The following HDAC9 variants were observed in gnomAD, a reference collection of about 807,000 sequenced individuals.
The protein encoded by HDAC9 is MEF-2 interacting transcription repressor (MITR) protein.
Under a neutral mutation model 139.4 loss-of-function variants are expected in HDAC9, and 41 were observed. The observed-to-expected ratio is 0.29, with a 90% CI of 0.23 to 0.38. The LOEUF (loss-of-function observed/expected upper bound fraction) is 0.38. HDAC9 is among the 10% of genes least tolerant of loss of function. HDAC9 has a pLI of 1.00. For synonymous variants in HDAC9, 517 were observed against 476.2 expected, an observed-to-expected ratio of 1.09 and a Z score of -1.12; for missense variants, 1,147 against 1,297.0, an observed-to-expected ratio of 0.88 and a Z score of 1.78.
chr7:18,177,417 T>C (rs1789007034), intron 2 of HDAC9, among the ~76,000 whole-genome samples: 1 of 152,156 alleles, frequency 6.6e-6, no homozygotes, highest in Admixed American at 6.5e-5. Flanking sequence ...CTATTTAAGG[T>C]ATATAAGAAC....
rs1795440731 is a variant in HDAC9, at chr7:18,668,595, ATTGT to A, written c.1731+2123_1731+2126del. 3.1e-6 allele frequency: 3 copies of A among 982,044 alleles called. No homozygotes were observed. The East Asian group carries it at 3.4e-4, about 112-fold the overall frequency. 60.8% of individuals were successfully genotyped at this position (982,044 alleles called of 1,614,324 possible). On this transcript the variant is annotated intron_variant, in intron 12 of 25. Coordinates refer to ENST00000686413, the MANE Select transcript of HDAC9 (RefSeq NM_178425.4). ...TCATCAGTACAGTTGGTGGACGTTA[ATTGT>A]TTGAATTTGATAGTCTTTGAATTTA...
intron 2 of HDAC9, among the ~76,000 whole-genome samples, chr7:18,531,026 CCTCT>C (rs951851384): frequency 2.0e-5 from 3 of 151,938 alleles, no homozygotes; most frequent in Non-Finnish European, 4.4e-5. Flanking sequence ...TCTAGTGCAA[CCTCT>C]CTGTCTTTAA....
At chr7:18,750,809 A>G (rs1788377463) in intron 14 of HDAC9, among the ~76,000 whole-genome samples, 1 of 152,192 alleles carries the variant, frequency 6.6e-6, no homozygotes, top group Admixed American at 6.5e-5. Flanking sequence ...TCATGTGAAC[A>G]TTCCTGTCTC....
chr7:18,382,708 G>T (rs529711383), intron 1 of HDAC9, among the ~76,000 whole-genome samples: 1 of 152,272 alleles, frequency 6.6e-6, no homozygotes, highest in African/African-American at 2.4e-5. Flanking sequence ...TATTAGAAAT[G>T]ACATGAAGGA....
At chr7:18,572,033 T>C (rs762738072) in intron 2 of HDAC9, among the ~76,000 whole-genome samples, 8 of 151,868 alleles carry the variant, frequency 5.3e-5, no homozygotes, top group Non-Finnish European at 7.4e-5. Context: ...GAATTCCTGA[T>C]AGAAGAGTGG....
chr7:18,107,812 G>A (rs2244710), intron 1 of HDAC9, among the ~76,000 whole-genome samples: 121,121 of 152,176 alleles, frequency 0.8, 49,089 homozygotes, highest in Non-Finnish European at 0.87. Context: ...TGCAGTGGTA[G>A]ATAGTGGCTG....
intron 2 of HDAC9, among the ~76,000 whole-genome samples, chr7:18,526,867 T>C (rs532719756): frequency 5.9e-5 from 9 of 152,096 alleles, no homozygotes; most frequent in Non-Finnish European, 1.2e-4. Context: ...AAGGGGGTCT[T>C]AGGTTGAGCT....
intron 23 of HDAC9, among the ~76,000 whole-genome samples, chr7:18,949,979 A>G (rs1043200382): frequency 1.3e-5 from 2 of 152,090 alleles, no homozygotes; most frequent in South Asian, 2.1e-4. Flanking sequence ...CTATCTGAAA[A>G]TATGACCCTA....
intron 12 of HDAC9, among the ~76,000 whole-genome samples, chr7:18,690,578 A>G (rs1256947332): frequency 1.3e-5 from 2 of 151,968 alleles, no homozygotes; most frequent in Admixed American, 6.6e-5. Context: ...TGCTGTTCTG[A>G]AAATGAGAAG....
intron 1 of HDAC9, among the ~76,000 whole-genome samples, chr7:18,328,039 A>G (rs1800605757): frequency 6.6e-6 from 1 of 151,978 alleles, no homozygotes; most frequent in Non-Finnish European, 1.5e-5. Context: ...AAAACATCAG[A>G]GTGGAAATGA....
At chr7:18,453,042 G>A (rs1424859747) in intron 1 of HDAC9, among the ~76,000 whole-genome samples, 1 of 151,922 alleles carries the variant, frequency 6.6e-6, no homozygotes, top group Admixed American at 6.6e-5. Flanking sequence ...TCTTATTCCT[G>A]TGATGCTTTT....
chr7:18,498,765 A>G (rs111255016), intron 2 of HDAC9, among the ~76,000 whole-genome samples: 178 of 152,140 alleles, frequency 1.2e-3, no homozygotes, highest in Non-Finnish European at 2.2e-3. Context: ...AAGAATAATG[A>G]TGTCCTCCTG....
intron 2 of HDAC9, among the ~76,000 whole-genome samples, chr7:18,259,230 A>C (rs979548312): frequency 6.6e-6 from 1 of 152,080 alleles, no homozygotes; most frequent in Non-Finnish European, 1.5e-5. Context: ...TGGCCTCCCA[A>C]AGTGCTGGGA....
chr7:18,752,491 G>T (rs1203460225), intron 14 of HDAC9, among the ~76,000 whole-genome samples: 2 of 152,058 alleles, frequency 1.3e-5, no homozygotes, highest in Non-Finnish European at 2.9e-5. Flanking sequence ...AGGCTAGAAG[G>T]GGCTATCAGA....
intron 1 of HDAC9, among the ~76,000 whole-genome samples, chr7:18,300,262 C>G (rs1386050177): frequency 6.6e-6 from 1 of 150,956 alleles, no homozygotes; most frequent in Non-Finnish European, 1.5e-5. Context: ...CAAGACAGTT[C>G]TTCCAGTCCG....
At chr7:18,341,675 A>AT (rs1360724303) in intron 1 of HDAC9, among the ~76,000 whole-genome samples, 3 of 150,640 alleles carry the variant, frequency 2.0e-5, no homozygotes, top group Non-Finnish European at 3.0e-5. Context: ...GTTTTTTTCT[A>AT]TTTTCTCTTC....
intron 21 of HDAC9, among the ~76,000 whole-genome samples, chr7:18,843,926 A>G (rs962733008): frequency 3.3e-5 from 5 of 152,180 alleles, no homozygotes; most frequent in South Asian, 4.1e-4. Flanking sequence ...AGGTCTGTTC[A>G]GATATTACAT....
chr7:18,581,991 G>A (rs1827982684), intron 2 of HDAC9, among the ~76,000 whole-genome samples: 3 of 152,192 alleles, frequency 2.0e-5, no homozygotes, highest in Non-Finnish European at 4.4e-5. Flanking sequence ...TCAATCCATG[G>A]CAAAATAACC....
chr7:18,834,437 T>G (rs890067296), intron 19 of HDAC9, among the ~76,000 whole-genome samples: 3 of 151,992 alleles, frequency 2.0e-5, no homozygotes, highest in African/African-American at 7.2e-5. Flanking sequence ...TGCTATTAGT[T>G]CTATTGACTT....
Sources: allele counts gnomAD v4.1 joint callset (sites outside exome capture counted in the v4.1 genomes callset), GRCh38; gene constraint gnomAD v4.1.1; transcripts MANE v1.5; gene names NCBI Gene and HGNC (gene_info 2026-07-23, HGNC 2026-07-21).